Variants in DCLK3 observed in about 807,000 individuals in gnomAD.
The protein encoded by DCLK3 is doublecortin like kinase 3, also known as serine/threonine-protein kinase DCLK3.
DCLK3 carries 30 observed loss-of-function variants against 46.4 expected under a neutral mutation model. That is an observed-to-expected ratio of 0.65 (90% CI 0.48 to 0.88). The LOEUF is 0.88. Among genes scored for constraint, DCLK3 ranks in the 40% least tolerant of loss-of-function variants. The pLI, the probability that DCLK3 is intolerant of heterozygous loss-of-function variation, is 0.00. For synonymous variants in DCLK3, 401 were observed against 339.2 expected (o/e 1.18, Z -2.00); for missense variants, 846 against 907.1 (o/e 0.93, Z 0.87).
In DCLK3 at chr3:36,743,165, G is replaced by A. The variant is rs1271709159; in HGVS notation, c.83-4081C>T. On this transcript the variant is annotated intron_variant, in intron 1 of 4. Transcript: ENST00000636136. ...ATGCTCCAAAGCCTGCAAACTTTTT[G>A]AGCACTGACATTCCTACCAAAGGAA... Among the ~76,000 whole-genome samples, 3 of 150,964 alleles carry A rather than the reference G, an allele frequency of 2.0e-5. No individual in the cohort carries two copies. In the East Asian group the frequency reaches 5.9e-4, roughly 30 times the overall value.
At chr3:36,760,670 G>A (rs1003606725) in intron 1 of DCLK3, among the ~76,000 whole-genome samples, 2 of 152,074 alleles carry the variant, frequency 1.3e-5, no homozygotes, top group African/African-American at 4.8e-5. Flanking sequence ...AGGAGCTAGG[G>A]AGAAAAGCAG....
Position 36,737,562 on chromosome 3 carries a change from G to T in DCLK3, c.1605C>A (p.Asn535Lys). The T allele has an allele frequency of 6.2e-7, 1 of 1,614,162 alleles. No individual in the cohort carries two copies. The change falls in exon 2 of 5, where the codon AAC (asparagine) becomes AAA (lysine). Residue 535 changes from asparagine (N) to lysine (K), a missense_variant. Around this residue, in one of 3 missense-constraint regions of DCLK3, gnomAD observed 553 missense variants for 543.0 expected, o/e 1.02. Coordinates refer to ENST00000636136, the MANE Select transcript of DCLK3 (RefSeq NM_001394672.2). The surrounding 1 kb of genome is among the most constrained non-coding windows in gnomAD (Gnocchi z 4.4). ...GTCTGCACTCCTTCACGACAGCAAA[G>T]TTCCCATCCCCAATGACCCGGCCAG... ...YETGRVIGDG[N>K]FAVVKECRHR...
At chr3:36,715,623 C>T (rs1461623221) in intron 4 of DCLK3, 102 bp from the exon 5 acceptor site, 31 of 1,321,256 alleles carry the variant, frequency 2.3e-5, no homozygotes, top group South Asian at 3.2e-5. Context: ...GTCAGCACCA[C>T]GGCTGGCTGA....
Position 36,718,019 on chromosome 3 carries a change from T to C in DCLK3, c.2251A>G (p.Ile751Val), listed in dbSNP as rs1701006247. 1.2e-6 allele frequency: 2 copies of C among 1,614,102 alleles called. No individual in the cohort carries two copies. Among genetic ancestry groups the C allele is most frequent in the South Asian group, 1.1e-5 (1 of 91,080 alleles). ...AAGCCCCAAATCTCACCATCAGAGATATTGTCCCAGTAAGGGGGGAGGAAC... is the reference window on the plus strand; with the variant it reads ...AAGCCCCAAATCTCACCATCAGAGACATTGTCCCAGTAAGGGGGGAGGAAC... Reference protein sequence around the residue: ...FEFLPPYWDNISDAAKDLVSR... With the variant: ...FEFLPPYWDNVSDAAKDLVSR... The change falls in exon 4 of 5, where the codon ATC (isoleucine) becomes GTC (valine). Residue 751 changes from isoleucine to valine, a missense_variant. Physicochemically the swap from Ile to Val is conservative, Grantham distance 29. This residue lies in a region of DCLK3 where 247 missense variants were observed against 322.8 expected (regional missense o/e 0.77). Transcript: ENST00000636136.
At position 36,737,792 on chromosome 3, in the gene DCLK3, T is replaced by G. The variant is rs1188517212; in HGVS notation, c.1375A>C (p.Thr459Pro). 1 of 1,614,008 alleles carries G rather than the reference T, an allele frequency of 6.2e-7. No homozygotes were observed. Among genetic ancestry groups the G allele is most frequent in the Non-Finnish European group, 8.5e-7 (1 of 1,180,044 alleles). ...TCTGCCTCCTTCTCTTCTCCTCGGG[T>G]CCTGCGGAGCTTCTCAAAGCCCGCC... ...HQAGFEKLRRTRGEEKEAEKE... is the reference protein window; with the variant it reads ...HQAGFEKLRRPRGEEKEAEKE... The change falls in exon 2 of 5, where the codon ACC (threonine) becomes CCC (proline). Residue 459 changes from threonine (T) to proline (P), a missense_variant. This residue lies in a region of DCLK3 where 553 missense variants were observed against 543.0 expected (regional missense o/e 1.02). Coordinates refer to ENST00000636136, the MANE Select transcript of DCLK3 (RefSeq NM_001394672.2). This position sits in a 1 kb window ranked among gnomAD's most constrained non-coding sequence, Gnocchi z 4.4.
chr3:36,736,122 C>T (rs571732671), intron 2 of DCLK3, among the ~76,000 whole-genome samples: 6 of 152,288 alleles, frequency 3.9e-5, no homozygotes, highest in South Asian at 2.1e-4. Context: ...AGGGAGAACA[C>T]GTACTGTTGG....
rs184885634 is a variant in DCLK3 at position 36,748,235 on chromosome 3, A to G, written c.83-9151T>C. 2.4e-3 allele frequency among the ~76,000 whole-genome samples: 367 copies of G among 152,324 alleles called. 2 individuals carry two copies. Among genetic ancestry groups the G allele is most frequent in the African/African-American group, 8.5e-3 (352 of 41,558 alleles). On this transcript the variant is annotated intron_variant, in intron 1 of 4. Coordinates refer to ENST00000636136, the MANE Select transcript of DCLK3 (RefSeq NM_001394672.2). The stretch of plus-strand genomic sequence containing the variant: ...TGTGCACAGGCATTTGCAGCTCCCA[A>G]GGAGGAGATAACAGGCCTGGGGAGC...
Position 36,738,813 on chromosome 3 carries a change from T to A in DCLK3, c.354A>T (p.Ser118=). ...CTAAGAGCTGCTCGAACGTCTGCAC[T>A]GATCGCCTGTTGAGGAGCAGAGTGA... ...RKITLLLNRR[S]VQTFEQLLAD... Residue 118 remains serine, a synonymous_variant, in exon 2 of 5, where the codon TCA becomes TCT. Transcript: ENST00000636136. 1.0e-6 allele frequency: 1 copy of A among 959,848 alleles called. No homozygotes were observed. Among genetic ancestry groups the A allele is most frequent in the African/African-American group, 1.7e-5 (1 of 60,010 alleles). 59.5% of individuals were successfully genotyped at this position (959,848 alleles called of 1,614,324 possible). A position where few individuals can be genotyped will look rare whatever the true frequency, so the allele number is the denominator to read the frequency against.
rs1325219934 is a variant in DCLK3, at chr3:36,731,168, T to A, written c.1959+6040A>T. ...GTGGCCAGCCCAGCTGATGAAGGAA[T>A]GGACTTTGGACTGTAGGTGTTTCCT... On this transcript the variant is annotated intron_variant, in intron 2 of 4. Coordinates refer to ENST00000636136, the MANE Select transcript of DCLK3 (RefSeq NM_001394672.2). Among the ~76,000 whole-genome samples, 7 of 152,142 alleles carry A rather than the reference T, an allele frequency of 4.6e-5. No individual in the cohort carries two copies. The South Asian group carries it at 1.4e-3, about 31-fold the overall frequency.
intron 2 of DCLK3, among the ~76,000 whole-genome samples, chr3:36,731,514 C>G (rs760285597): frequency 6.6e-6 from 1 of 151,880 alleles, no homozygotes; most frequent in Non-Finnish European, 1.5e-5. Flanking sequence ...ACACTGTCTA[C>G]AGTATTCCAC....
intron 1 of DCLK3, 74 bp from the exon 2 acceptor site, chr3:36,739,158 A>G: frequency 2.5e-6 from 1 of 397,712 alleles, no homozygotes; most frequent in Non-Finnish European, 4.4e-6. Flanking sequence ...CCAAAACTTT[A>G]CTAAAGATGA....
At chr3:36,730,221 C>T (rs952354458) in intron 2 of DCLK3, among the ~76,000 whole-genome samples, 1 of 127,484 alleles carries the variant, frequency 7.8e-6, no homozygotes, top group Non-Finnish European at 1.8e-5. Context: ...CACACACACA[C>T]ACACACAAAC....
rs1180863004 is a variant in DCLK3, at chr3:36,738,995, G to A, written c.172C>T (p.Arg58Ter). ...KLQGSWLPAS[R>*]GNLEKPFLGP... ...AGGAATGGTTTCTCCAGATTCCCTC[G>A]GCTGGCAGGCAGCCAGGAGCCTTGC... The change falls in exon 2 of 5, where the codon CGA becomes TGA. Residue 58 changes from arginine (R) to a stop codon, truncating the protein, a stop_gained. Coordinates refer to ENST00000636136, the MANE Select transcript of DCLK3 (RefSeq NM_001394672.2). LOFTEE classifies it high-confidence loss of function. 8 of 399,110 alleles carry A rather than the reference G, an allele frequency of 2.0e-5. No homozygotes were observed. The highest frequency in any genetic ancestry group is 2.7e-5 in the Non-Finnish European group (6 of 226,184). 24.7% of individuals were successfully genotyped at this position (399,110 alleles called of 1,614,324 possible). A position where few individuals can be genotyped will look rare whatever the true frequency, so the allele number is the denominator to read the frequency against.
chr3:36,720,629 C>T (rs6781924), intron 3 of DCLK3, among the ~76,000 whole-genome samples: 3 of 151,858 alleles, frequency 2.0e-5, no homozygotes, highest in African/African-American at 4.8e-5. Context: ...CTCAGCCTCC[C>T]GAGTAGCTCA....
At chr3:36,756,495 G>A (rs1701485640) in intron 1 of DCLK3, among the ~76,000 whole-genome samples, 2 of 152,178 alleles carry the variant, frequency 1.3e-5, no homozygotes, top group South Asian at 4.2e-4. Context: ...TAAAGAAGGG[G>A]AGCACATGGG....
intron 1 of DCLK3, among the ~76,000 whole-genome samples, chr3:36,760,147 A>G (rs996761349): frequency 6.6e-6 from 1 of 152,126 alleles, no homozygotes; most frequent in Non-Finnish European, 1.5e-5. Flanking sequence ...AGCAATTCCT[A>G]GCTCTCTCTA....
At position 36,738,560 on chromosome 3, in the gene DCLK3, C is replaced by T; in HGVS notation, c.607G>A (p.Ala203Thr). ...RALTLAQHSR[A>T]PSPRLRSRLF... ...CTGCTCCTCAGCCTTGGAGAAGGGG[C>T]ACGGCTGTGCTGGGCCAGTGTCAGG... The change falls in exon 2 of 5, where the codon GCC becomes ACC. Residue 203 changes from alanine (A) to threonine (T), a missense_variant. Physicochemically the swap from Ala to Thr is moderately conservative, Grantham distance 58 (BLOSUM62 0). Around this residue, in one of 3 missense-constraint regions of DCLK3, gnomAD observed 553 missense variants for 543.0 expected, o/e 1.02. Transcript: ENST00000636136. The T allele has an allele frequency of 6.8e-7, 1 of 1,472,434 alleles. No individual in the cohort carries two copies. Among genetic ancestry groups the T allele is most frequent in the South Asian group, 1.5e-5 (1 of 65,648 alleles). The allele number at this position is 1,472,434 out of a possible 1,614,324, so 91.2% of individuals were successfully genotyped here. A position where few individuals can be genotyped will look rare whatever the true frequency, so the allele number is the denominator to read the frequency against.
At chr3:36,720,142 G>A (rs944652721) in intron 3 of DCLK3, among the ~76,000 whole-genome samples, 1 of 152,208 alleles carries the variant, frequency 6.6e-6, no homozygotes, top group African/African-American at 2.4e-5. Context: ...TGACAAGTGA[G>A]TTCTCACTCA....
intron 1 of DCLK3, among the ~76,000 whole-genome samples, chr3:36,756,834 T>C (rs529740286): frequency 9.2e-5 from 14 of 151,734 alleles, no homozygotes; most frequent in Admixed American, 2.0e-4. Flanking sequence ...TCAAGTGGCA[T>C]GTGGTGTCTG....
Sources: gnomAD v4.1 joint callset for allele counts (sites outside exome capture counted in the v4.1 genomes callset) on GRCh38, gnomAD v4.1.1 for gene constraint, gnomAD v4.1.1 regional missense constraint, Gnocchi (gnomAD v3.1) non-coding constraint, MANE v1.5 for transcripts, NCBI Gene and HGNC (gene_info 2026-07-23, HGNC 2026-07-21) for gene names.